Variants in GABPA observed in about 807,000 individuals in gnomAD.
GABPA encodes GA binding protein transcription factor subunit alpha, also known as GA-binding protein alpha chain.
In GABPA, 4 loss-of-function variants were observed where a neutral mutation model predicts 59.4. The observed-to-expected ratio is 0.07, with a 90% CI of 0.03 to 0.15. The LOEUF is 0.15. Ranked by LOEUF, GABPA falls within the 10% of genes least tolerant of loss-of-function variation. The probability of loss-of-function intolerance (pLI) is 1.00; values close to 1 mark genes in which losing one functional copy is unlikely to be tolerated. For synonymous variants in GABPA, 164 were observed against 183.1 expected (o/e 0.90, Z 0.84); for missense variants, 251 against 543.8 (o/e 0.46, Z 5.36).
chr21:25,742,369 T>C (rs2035243388), intron 2 of GABPA, among the ~76,000 whole-genome samples: 1 of 130 alleles, frequency 7.7e-3, no homozygotes, highest in Non-Finnish European at 0.024. Context: ...GATTGAAAAG[T>C]ACTAGAGATC....
chr21:25,744,142 G>C (rs1006001999), intron 2 of GABPA, among the ~76,000 whole-genome samples: 3 of 149,334 alleles, frequency 2.0e-5, no homozygotes, highest in Non-Finnish European at 3.0e-5. Context: ...AACAATAGTA[G>C]ACTAGTATTT....
Position 25,771,830 on chromosome 21 carries a change from C to G in GABPA, c.*2598C>G, listed in dbSNP as rs1163758865. On this transcript the variant is annotated 3_prime_UTR_variant, in exon 10 of 10. Coordinates refer to ENST00000400075, the MANE Select transcript of GABPA (RefSeq NM_002040.4). ...TGAGCCAACTTTCATACATATCTTG[C>G]TAGCCTAAAGTCTAAATATTTGTGT... 1.3e-5 allele frequency: 2 copies of G among 152,034 alleles called. No individual in the cohort carries two copies. The highest frequency in any genetic ancestry group is 2.9e-5 in the Non-Finnish European group (2 of 67,892). The allele number at this position is 152,034 out of a possible 1,614,324, so 9.4% of individuals were successfully genotyped here. A position where few individuals can be genotyped will look rare whatever the true frequency, so the allele number is the denominator to read the frequency against.
intron 2 of GABPA, among the ~76,000 whole-genome samples, chr21:25,742,653 CCTG>C (rs894332211): frequency 2.6e-5 from 4 of 151,976 alleles, no homozygotes; most frequent in African/African-American, 9.7e-5. Context: ...GTGGCTCATG[CCTG>C]TAGTCCCAAC....
rs1325537257 is a variant in GABPA at position 25,758,059 on chromosome 21, A to C, written c.603A>C (p.Val201=). Residue 201 remains valine, a synonymous_variant, in exon 6 of 10, where the codon GTA becomes GTC. Transcript: ENST00000400075. The part of the protein sequence containing the change: ...TDQVLHWVVW[V]MKEFSMTDID... The stretch of plus-strand genomic sequence containing the variant: ...AAGTCCTGCATTGGGTGGTTTGGGT[A>C]ATGAAGGAATTCAGCATGACCGATA... 1 of 1,605,022 alleles carries C rather than the reference A, an allele frequency of 6.2e-7. No individual in the cohort carries two copies. Among genetic ancestry groups the C allele is most frequent in the African/African-American group, 1.3e-5 (1 of 74,480 alleles).
At chr21:25,748,926 T>G in intron 3 of GABPA, 110 bp from the exon 4 acceptor site, 1 of 693,088 alleles carries the variant, frequency 1.4e-6, no homozygotes, top group Non-Finnish European at 2.6e-6. Flanking sequence ...TTAATTAGTA[T>G]GTTCAGTAAT....
intron 5 of GABPA, among the ~76,000 whole-genome samples, chr21:25,753,925 CTT>C (rs1160737755): frequency 6.6e-6 from 1 of 151,620 alleles, no homozygotes; most frequent in East Asian, 1.9e-4. Context: ...CATTTTTTTT[CTT>C]TCTTTAAACC....
At chr21:25,737,248 G>T (rs910331046) in intron 1 of GABPA, among the ~76,000 whole-genome samples, 2 of 152,184 alleles carry the variant, frequency 1.3e-5, no homozygotes, top group Middle Eastern at 3.2e-3. Context: ...CGGAGAAACT[G>T]CAAGTAATTT....
rs2036005478 is a variant in GABPA, at chr21:25,771,325, C to T, written c.*2093C>T. 7.1e-6 allele frequency: 1 copy of T among 141,294 alleles called. No individual in the cohort carries two copies. Among genetic ancestry groups the T allele is most frequent in the South Asian group, 2.3e-4 (1 of 4,286 alleles). The allele number at this position is 141,294 out of a possible 1,614,324, so 8.8% of individuals were successfully genotyped here. A position where few individuals can be genotyped will look rare whatever the true frequency, so the allele number is the denominator to read the frequency against. ...CCTAGAATGAAAATTTTTTTCTCAT[C>T]TATGCAATTCCCATATGGTTTTTTT... On this transcript the variant is annotated 3_prime_UTR_variant, in exon 10 of 10. Coordinates refer to ENST00000400075, the MANE Select transcript of GABPA (RefSeq NM_002040.4).
intron 1 of GABPA, among the ~76,000 whole-genome samples, chr21:25,738,926 A>G (rs1363490044): frequency 6.6e-6 from 1 of 150,972 alleles, no homozygotes; most frequent in Non-Finnish European, 1.5e-5. Context: ...ATCAGCAAGA[A>G]AAAAAAAAAC....
chr21:25,742,703 C>T (rs1419732723), intron 2 of GABPA, among the ~76,000 whole-genome samples: 1 of 151,172 alleles, frequency 6.6e-6, no homozygotes, highest in Admixed American at 6.6e-5. Context: ...CACTTGAGCC[C>T]AGGAGTTCAA....
intron 3 of GABPA, among the ~76,000 whole-genome samples, chr21:25,747,850 T>G (rs1349037414): frequency 2.0e-5 from 3 of 152,202 alleles, no homozygotes; most frequent in Admixed American, 2.0e-4. Flanking sequence ...TTTAATGAAA[T>G]GTATATTAAT....
At chr21:25,757,940 G>A in intron 5 of GABPA, 70 bp from the exon 6 acceptor site, 1 of 738,444 alleles carries the variant, frequency 1.4e-6, no homozygotes, top group South Asian at 2.7e-5. Flanking sequence ...TGTGTGTATT[G>A]AGAAGTTAAC....
intron 6 of GABPA, among the ~76,000 whole-genome samples, chr21:25,760,633 C>T (rs2035743497): frequency 1.3e-5 from 2 of 152,032 alleles, no homozygotes; most frequent in South Asian, 2.1e-4. Context: ...CTTCTGTCAC[C>T]AAAGGCAAAT....
In GABPA at chr21:25,745,256, A is replaced by G; in HGVS notation, c.124A>G (p.Ile42Val). ...GCCAGCTGAATGTGTAAGCCAGGCC[A>G]TAGACATCAATGAACCAATAGGCAA... ...YAPAECVSQAIDINEPIGNLK... is the reference protein window; with the variant it reads ...YAPAECVSQAVDINEPIGNLK... The change falls in exon 3 of 10, where the codon ATA (isoleucine) becomes GTA (valine). Residue 42 changes from isoleucine (I) to valine (V), a missense_variant. By Grantham distance (29) the Ile-to-Val change is conservative. Around this residue, in one of 4 missense-constraint regions of GABPA, gnomAD observed 207 missense variants for 366.7 expected, o/e 0.56. Transcript: ENST00000400075. 1.9e-6 allele frequency: 3 copies of G among 1,613,958 alleles called. No homozygotes were observed. The highest frequency in any genetic ancestry group is 2.5e-6 in the Non-Finnish European group (3 of 1,179,852).
chr21:25,744,147 G>A (rs1488341841), intron 2 of GABPA, among the ~76,000 whole-genome samples: 1 of 150,264 alleles, frequency 6.7e-6, no homozygotes, highest in African/African-American at 2.5e-5. Context: ...TAGTAGACTA[G>A]TATTTTTAAA....
chr21:25,766,260 G>T (rs946718946), intron 9 of GABPA, among the ~76,000 whole-genome samples: 1 of 151,872 alleles, frequency 6.6e-6, no homozygotes, highest in Non-Finnish European at 1.5e-5. Context: ...TGCTTATGCC[G>T]TACCAAAAAT....
intron 9 of GABPA, among the ~76,000 whole-genome samples, chr21:25,768,265 C>G (rs1184332957): frequency 6.6e-6 from 1 of 151,870 alleles, no homozygotes; most frequent in Non-Finnish European, 1.5e-5. Context: ...ACCTGTTTTT[C>G]TGTATCCTCT....
chr21:25,756,042 A>G (rs1325904373), intron 5 of GABPA, among the ~76,000 whole-genome samples: 5 of 152,162 alleles, frequency 3.3e-5, no homozygotes, highest in East Asian at 1.9e-4. Context: ...TCATGTTCCT[A>G]TGATTTTGCA....
Position 25,772,318 on chromosome 21 carries a change from A to G in GABPA, c.*3086A>G. 1 of 152,276 alleles carries G rather than the reference A, an allele frequency of 6.6e-6. No individual in the cohort carries two copies. Among genetic ancestry groups the G allele is most frequent in the Middle Eastern group, 3.4e-3 (1 of 294 alleles). The allele number at this position is 152,276 out of a possible 1,614,324, so 9.4% of individuals were successfully genotyped here. ...ACGACAACGACACTTATACTGTCAT[A>G]ATAACAATTATGTATTTCTTTGTGG... On this transcript the variant is annotated 3_prime_UTR_variant, in exon 10 of 10. Coordinates refer to ENST00000400075, the MANE Select transcript of GABPA (RefSeq NM_002040.4).
Sources: allele counts gnomAD v4.1 joint callset (sites outside exome capture counted in the v4.1 genomes callset), GRCh38; gene constraint gnomAD v4.1.1; regional missense constraint gnomAD v4.1.1; transcripts MANE v1.5; gene names NCBI Gene and HGNC (gene_info 2026-07-23, HGNC 2026-07-21).